ZNF227: variants seen among roughly 807,000 people sequenced by gnomAD.
ZNF227 encodes the protein zinc finger protein 227.
A neutral mutation model predicts 13.2 loss-of-function variants in ZNF227; 12 were observed. The ratio of observed to expected loss-of-function variants is 0.91; its 90% CI spans 0.58 to 1.47. ZNF227 has a LOEUF of 1.47. Among genes scored for constraint, ZNF227 ranks in the 40% most tolerant of loss-of-function variants. The pLI is 0.00. For synonymous variants in ZNF227, 338 were observed against 326.0 expected (o/e 1.04, Z -0.40); for missense variants, 885 against 967.5 (o/e 0.91, Z 1.13).
upstream of ZNF227, among the ~76,000 whole-genome samples, chr19:44,208,621 G>A (rs77471019): frequency 1.3e-5 from 2 of 152,256 alleles, no homozygotes; most frequent in Non-Finnish European, 2.9e-5. Context: ...AAAAGAAGAG[G>A]GAAGACGAAC....
At chr19:44,214,925 C>G (rs1001060025) in intron 2 of ZNF227, among the ~76,000 whole-genome samples, 8 of 151,948 alleles carry the variant, frequency 5.3e-5, no homozygotes, top group African/African-American at 1.9e-4. Context: ...CGCCTGAGCT[C>G]TGCCTCCTGC....
Position 44,235,444 on chromosome 19 carries a change from T to C in ZNF227, c.1014T>C (p.Gly338=). 1 of 1,614,042 alleles carries C rather than the reference T, an allele frequency of 6.2e-7. No individual in the cohort carries two copies. The highest frequency in any genetic ancestry group is 1.1e-5 in the South Asian group (1 of 91,074). ...GCAAGGGATTCAGTAGCAGCACGGG[T>C]CTTATCATTCATTACAGAACTCATA... ...SCGKGFSSST[G]LIIHYRTHTG... Residue 338 remains glycine (G), a synonymous_variant, in exon 6 of 6, where the codon GGT becomes GGC. Transcript: ENST00000313040.
chr19:44,212,597 C>T lies in ZNF227; in HGVS notation c.-158+12C>T, dbSNP rs968088686. The T allele has an allele frequency of 6.6e-6, 1 of 152,228 alleles. No homozygotes were observed. Among genetic ancestry groups the T allele is most frequent in the Non-Finnish European group, 1.5e-5 (1 of 68,178 alleles). 9.4% of individuals were successfully genotyped at this position (152,228 alleles called of 1,614,324 possible). A position where few individuals can be genotyped will look rare whatever the true frequency, so the allele number is the denominator to read the frequency against. On this transcript the variant is annotated intron_variant, in intron 1 of 5. Transcript: ENST00000313040. Reference sequence around the variant, plus strand: ...TTTGGGTCCGGGAGGTGAGTCAGCCCTGCACCCCCACGACCCCTCTTGAAC... The same window carrying T: ...TTTGGGTCCGGGAGGTGAGTCAGCCTTGCACCCCCACGACCCCTCTTGAAC...
chr19:44,235,060 A>G lies in ZNF227; in HGVS notation c.630A>G (p.Lys210=). ...AAATACATGAAGACTTCATGAAGAA[A>G]TCACCATTTCATGAGCATATTAAAA... ...NLQIHEDFMK[K]SPFHEHIKTD... The change falls in exon 6 of 6, where the codon AAA becomes AAG. Residue 210 remains lysine (K), a synonymous_variant. Coordinates refer to ENST00000313040, the MANE Select transcript of ZNF227 (RefSeq NM_182490.3). The G allele has an allele frequency of 6.2e-7, 1 of 1,613,986 alleles. No homozygotes were observed.
intron 2 of ZNF227, among the ~76,000 whole-genome samples, chr19:44,215,581 T>C (rs532865955): frequency 1.8e-4 from 27 of 152,236 alleles, no homozygotes; most frequent in African/African-American, 6.5e-4. Flanking sequence ...GTCTGGAGTT[T>C]ATATGGTTTT....
chr19:44,215,820 T>C (rs1971815460), intron 2 of ZNF227, among the ~76,000 whole-genome samples: 1 of 151,916 alleles, frequency 6.6e-6, no homozygotes, highest in Non-Finnish European at 1.5e-5. Flanking sequence ...AAACCCCGTC[T>C]GTACTAAAAA....
intron 2 of ZNF227, among the ~76,000 whole-genome samples, chr19:44,217,214 T>C (rs946136071): frequency 1.3e-5 from 2 of 152,022 alleles, no homozygotes; most frequent in African/African-American, 4.8e-5. Context: ...TCCTCCCTCC[T>C]TGGCCTCCTA....
At chr19:44,210,598 G>A (rs918272829), upstream of ZNF227, among the ~76,000 whole-genome samples, 1 of 152,208 alleles carries the variant, frequency 6.6e-6, no homozygotes, top group Non-Finnish European at 1.5e-5. Flanking sequence ...ACCCAGGAGG[G>A]AAAAGAGTAG....
rs1974583538 is a variant in ZNF227 at position 44,237,034 on chromosome 19, G to A, written c.*204G>A. ...CGTATTTAGGGGAGAAATAGGGCTGGTGGCTCTCTTGGTAAGATCTAGTTA... is the reference window on the plus strand; with the variant it reads ...CGTATTTAGGGGAGAAATAGGGCTGATGGCTCTCTTGGTAAGATCTAGTTA... On this transcript the variant is annotated 3_prime_UTR_variant, in exon 6 of 6. Coordinates refer to ENST00000313040, the MANE Select transcript of ZNF227 (RefSeq NM_182490.3). The A allele has an allele frequency of 7.8e-6, 4 of 509,768 alleles. No individual in the cohort carries two copies. The East Asian group carries it at 1.2e-4, about 16-fold the overall frequency. The allele number at this position is 509,768 out of a possible 1,614,324, so 31.6% of individuals were successfully genotyped here.
At chr19:44,212,675 GGAGAGGTCGCGGCCGCGGCGGAGGCC>G (rs937991909) in intron 1 of ZNF227, 90 bp downstream of exon 1, 15 of 152,252 alleles carry the variant, frequency 9.9e-5, no homozygotes, top group African/African-American at 1.7e-4. Context: ...GTCTTGGGAT[GGAGAGGTCGCGGCCGCGGCGGAGGCC>G]GAGAGGCCGA....
chr19:44,219,019 C>A (rs771124102), intron 3 of ZNF227, among the ~76,000 whole-genome samples: 1 of 152,196 alleles, frequency 6.6e-6, no homozygotes, highest in African/African-American at 2.4e-5. Context: ...TCCCAAGTAG[C>A]TGGGATTACA....
intron 3 of ZNF227, among the ~76,000 whole-genome samples, chr19:44,219,100 T>G (rs1397684104): frequency 6.6e-6 from 1 of 152,226 alleles, no homozygotes; most frequent in African/African-American, 2.4e-5. Context: ...TTGGCCAGGC[T>G]GGTCTTCAAC....
At chr19:44,233,919 G>A (rs879890318) in intron 5 of ZNF227, among the ~76,000 whole-genome samples, 2 of 152,056 alleles carry the variant, frequency 1.3e-5, no homozygotes, top group Non-Finnish European at 2.9e-5. Flanking sequence ...GCGTATGGTG[G>A]TACCGTTGAT....
chr19:44,236,494 C>T lies in ZNF227; in HGVS notation c.2064C>T (p.Tyr688=), dbSNP rs751577359. The T allele has an allele frequency of 6.2e-7, 1 of 1,613,934 alleles. No individual in the cohort carries two copies. Among genetic ancestry groups the T allele is most frequent in the African/African-American group, 1.3e-5 (1 of 74,854 alleles). The change falls in exon 6 of 6, where the codon TAC becomes TAT. Residue 688 remains tyrosine, a synonymous_variant. Coordinates refer to ENST00000313040, the MANE Select transcript of ZNF227 (RefSeq NM_182490.3). ...HQRGHTGEKP[Y]KCEECGKGFG... ...GAGGCCACACTGGAGAAAAACCTTACAAATGTGAAGAGTGTGGGAAAGGCT... is the reference window on the plus strand; with the variant it reads ...GAGGCCACACTGGAGAAAAACCTTATAAATGTGAAGAGTGTGGGAAAGGCT...
At chr19:44,227,180 A>C (rs1973262509) in intron 3 of ZNF227, 1 of 152,188 alleles carries the variant, frequency 6.6e-6, no homozygotes, top group Non-Finnish European at 1.5e-5. Context: ...GGCACTTCTA[A>C]GTGCTTGACA....
At chr19:44,230,442 G>A (rs776201879) in intron 5 of ZNF227, among the ~76,000 whole-genome samples, 1 of 152,144 alleles carries the variant, frequency 6.6e-6, no homozygotes, top group Non-Finnish European at 1.5e-5. Flanking sequence ...ATCTCACCAA[G>A]TTTCTCTTTG....
chr19:44,228,704 A>G, intron 4 of ZNF227, 132 bp downstream of exon 4: 1 of 1,164,292 alleles, frequency 8.6e-7, no homozygotes, highest in Non-Finnish European at 1.1e-6. Flanking sequence ...AATCCCTGGG[A>G]AAACAGGATA....
At chr19:44,221,054 CATT>C (rs1327338899) in intron 3 of ZNF227, among the ~76,000 whole-genome samples, 2 of 151,436 alleles carry the variant, frequency 1.3e-5, no homozygotes, top group African/African-American at 2.4e-5. Flanking sequence ...TCCAGTCTAT[CATT>C]GTTGGACATT....
upstream of ZNF227, among the ~76,000 whole-genome samples, chr19:44,211,194 C>T (rs1971347425): frequency 6.9e-6 from 1 of 145,898 alleles, no homozygotes; most frequent in African/African-American, 2.6e-5. Context: ...AAGAGCCAAA[C>T]TCTGTCTAAC....
Sources: allele counts gnomAD v4.1 joint callset (sites outside exome capture counted in the v4.1 genomes callset), GRCh38; gene constraint gnomAD v4.1.1; transcripts MANE v1.5; gene names NCBI Gene and HGNC (gene_info 2026-07-23, HGNC 2026-07-21).